The following OTUD7A variants were observed in gnomAD, a reference collection of about 807,000 sequenced individuals.
OTUD7A encodes the protein OTU domain-containing protein 7A.
OTUD7A carries 12 observed loss-of-function variants against 65.7 expected under a neutral mutation model. The observed-to-expected ratio is 0.18, with a 90% CI of 0.12 to 0.30. The LOEUF is 0.30. Among genes scored for constraint, OTUD7A ranks in the 10% least tolerant of loss-of-function variants. OTUD7A has a pLI of 1.00. For synonymous variants in OTUD7A, 641 were observed against 586.3 expected (o/e 1.09, Z -1.35); for missense variants, 1,148 against 1,304.8 (o/e 0.88, Z 1.85).
chr15:31,584,316 A>G (rs764104839), intron 3 of OTUD7A, among the ~76,000 whole-genome samples: 1 of 152,230 alleles, frequency 6.6e-6, no homozygotes, highest in Non-Finnish European at 1.5e-5. Flanking sequence ...CCTCCTAAGA[A>G]CATAGTATGG....
intron 3 of OTUD7A, among the ~76,000 whole-genome samples, chr15:31,594,747 C>T (rs1036422918): frequency 2.0e-5 from 3 of 152,194 alleles, no homozygotes; most frequent in South Asian, 2.1e-4. Flanking sequence ...GTGCCTGCCC[C>T]GCTCTTCCCA....
At chr15:31,814,866 A>AT (rs1426324049) in intron 1 of OTUD7A, among the ~76,000 whole-genome samples, 1 of 152,094 alleles carries the variant, frequency 6.6e-6, no homozygotes, top group Non-Finnish European at 1.5e-5. Context: ...CTGGGCAGTT[A>AT]TTTTTTTGCA....
In OTUD7A at chr15:31,483,591, G is replaced by T; in HGVS notation, c.2505C>A (p.Arg835=). ...CGCCCGGTAGGGCCCCGGGCACCGC[G>T]CGCGCCAGCGACTCGACCGTGTTGA... is the stretch of plus-strand genomic sequence containing the variant. The part of the protein sequence containing the change: ...RTVNTVESLA[R]AVPGALPGAA... The change falls in exon 13 of 13, where the codon CGC becomes CGA. Residue 835 remains arginine, a synonymous_variant. Coordinates refer to ENST00000307050, the MANE Select transcript of OTUD7A (RefSeq NM_001382637.1). 8.1e-7 allele frequency: 1 copy of T among 1,232,256 alleles called. No individual in the cohort carries two copies. Among genetic ancestry groups the T allele is most frequent in the Non-Finnish European group, 1.0e-6 (1 of 990,552 alleles). The allele number at this position is 1,232,256 out of a possible 1,614,324, so 76.3% of individuals were successfully genotyped here. A position where few individuals can be genotyped will look rare whatever the true frequency, so the allele number is the denominator to read the frequency against.
At chr15:31,526,273 T>A in intron 8 of OTUD7A, 76 bp downstream of exon 8, 1 of 1,328,264 alleles carries the variant, frequency 7.5e-7, no homozygotes, top group Non-Finnish European at 1.0e-6. Flanking sequence ...CCCCGTGCCA[T>A]CCCCCCATGC....
intron 1 of OTUD7A, among the ~76,000 whole-genome samples, chr15:31,861,827 C>G (rs1897749283): frequency 1.3e-5 from 2 of 152,328 alleles, no homozygotes; most frequent in South Asian, 4.1e-4. Flanking sequence ...ATCTAATAAT[C>G]TAATGCTGTA....
chr15:31,710,328 A>T (rs60876277), intron 1 of OTUD7A, among the ~76,000 whole-genome samples: 1 of 130,482 alleles, frequency 7.7e-6, no homozygotes, highest in Non-Finnish European at 1.7e-5. Context: ...TAGTCAGGCC[A>T]CAATCAATTC....
intron 1 of OTUD7A, among the ~76,000 whole-genome samples, chr15:31,814,441 G>A (rs997109580): frequency 6.6e-6 from 1 of 152,178 alleles, no homozygotes; most frequent in Admixed American, 6.5e-5. Flanking sequence ...CCCTGTTCAT[G>A]TGACACGTCC....
intron 1 of OTUD7A, among the ~76,000 whole-genome samples, chr15:31,759,401 T>C (rs752380011): frequency 2.6e-4 from 40 of 152,240 alleles, no homozygotes; most frequent in Non-Finnish European, 3.7e-4. Flanking sequence ...CCAATGGCCA[T>C]GTGTGCATGA....
intron 1 of OTUD7A, among the ~76,000 whole-genome samples, chr15:31,768,366 A>G (rs562976705): frequency 6.6e-6 from 1 of 152,334 alleles, no homozygotes; most frequent in African/African-American, 2.4e-5. Context: ...ATATCTATAA[A>G]GTAAAAGTGA....
intron 3 of OTUD7A, among the ~76,000 whole-genome samples, chr15:31,630,674 A>G (rs1400084226): frequency 4.6e-5 from 7 of 151,918 alleles, no homozygotes; most frequent in East Asian, 1.9e-4. Context: ...TCTGTCTAAC[A>G]TTGACAGTGG....
chr15:31,660,416 G>A lies in OTUD7A; in HGVS notation c.-99-3339C>T, dbSNP rs1430290246. ...ACATTAGGGAAACACATCTTCCAGAGCATCTTCACGGTTTAGATGAAAATT... is the reference window on the plus strand; with the variant it reads ...ACATTAGGGAAACACATCTTCCAGAACATCTTCACGGTTTAGATGAAAATT... On this transcript the variant is annotated intron_variant, in intron 1 of 12. Coordinates refer to ENST00000307050, the MANE Select transcript of OTUD7A (RefSeq NM_001382637.1). 2.6e-5 allele frequency among the ~76,000 whole-genome samples: 4 copies of A among 152,238 alleles called. No individual in the cohort carries two copies. In the East Asian group the frequency reaches 7.7e-4, roughly 29 times the overall value.
chr15:31,613,199 A>G (rs1181815136), intron 3 of OTUD7A, among the ~76,000 whole-genome samples: 1 of 152,244 alleles, frequency 6.6e-6, no homozygotes, highest in East Asian at 1.9e-4. Context: ...ATTCTAGAAG[A>G]TAACATTGGA....
At chr15:31,503,084 T>C (rs188578519) in intron 9 of OTUD7A, among the ~76,000 whole-genome samples, 8 of 152,310 alleles carry the variant, frequency 5.3e-5, no homozygotes, top group Admixed American at 4.6e-4. Context: ...CTAGCCTCTC[T>C]GGGCTTCAGT....
At chr15:31,652,282 T>A (rs1217057167) in intron 3 of OTUD7A, among the ~76,000 whole-genome samples, 1 of 152,210 alleles carries the variant, frequency 6.6e-6, no homozygotes, top group Admixed American at 6.5e-5. Context: ...AACAATTGGA[T>A]ATCCGTATGC....
At chr15:31,523,248 G>A (rs1054336626) in intron 8 of OTUD7A, among the ~76,000 whole-genome samples, 11 of 152,210 alleles carry the variant, frequency 7.2e-5, no homozygotes, top group African/African-American at 2.7e-4. Context: ...CCCCTTCTCT[G>A]GCTGCTGTCT....
intron 3 of OTUD7A, among the ~76,000 whole-genome samples, chr15:31,633,107 G>A (rs371183363): frequency 3.3e-5 from 5 of 152,266 alleles, no homozygotes; most frequent in South Asian, 2.1e-4. Flanking sequence ...TTCGGCCCAC[G>A]CACAGTGCGC....
intron 6 of OTUD7A, among the ~76,000 whole-genome samples, chr15:31,529,694 C>G (rs2141121433): frequency 6.6e-6 from 1 of 152,274 alleles, no homozygotes; most frequent in South Asian, 2.1e-4. Context: ...CCCTTGAAGC[C>G]CTTTACAGTC....
At chr15:31,551,721 C>G (rs893714635) in intron 5 of OTUD7A, among the ~76,000 whole-genome samples, 7 of 152,232 alleles carry the variant, frequency 4.6e-5, no homozygotes, top group African/African-American at 1.7e-4. Context: ...AAATGTGACA[C>G]TGTAACTCCT....
chr15:31,746,504 C>CAT (rs1332801601), intron 1 of OTUD7A, among the ~76,000 whole-genome samples: 14 of 91,186 alleles, frequency 1.5e-4, no homozygotes, highest in African/African-American at 4.8e-4. Context: ...GTAGTTTTTA[C>CAT]ATATTTTTTT....
Sources: allele counts gnomAD v4.1 joint callset (sites outside exome capture counted in the v4.1 genomes callset), GRCh38; gene constraint gnomAD v4.1.1; transcripts MANE v1.5; gene names NCBI Gene and HGNC (gene_info 2026-07-23, HGNC 2026-07-21).